The following KCNQ1 variants were observed in gnomAD, a reference collection of about 807,000 sequenced individuals.
KCNQ1 encodes potassium voltage-gated channel subfamily Q member 1, also known as potassium voltage-gated channel subfamily KQT member 1.
In KCNQ1, 49 loss-of-function variants were observed where a neutral mutation model predicts 72.4. The observed-to-expected ratio is 0.68, with a 90% CI of 0.54 to 0.86. The LOEUF (loss-of-function observed/expected upper bound fraction) is 0.86. Among genes scored for constraint, KCNQ1 ranks in the 40% least tolerant of loss-of-function variants. The pLI, the probability that KCNQ1 is intolerant of heterozygous loss-of-function variation, is 0.00. For synonymous variants in KCNQ1, 450 were observed against 412.6 expected, an observed-to-expected ratio of 1.09 and a Z score of -1.10; for missense variants, 790 against 945.1, an observed-to-expected ratio of 0.84 and a Z score of 2.15.
rs1014418184 is a variant in KCNQ1, at chr11:2,492,106, G to A, written c.387-35822G>A. Among the ~76,000 whole-genome samples the A allele has an allele frequency of 6.6e-6, 1 of 152,120 alleles. No individual in the cohort carries two copies. Among genetic ancestry groups the A allele is most frequent in the South Asian group, 2.1e-4 (1 of 4,834 alleles). ...GAATTCTTCAATCTGAAAGAAAAGG[G>A]TGTTAATAAGCAACAAGAAATGATG... On this transcript the variant is annotated intron_variant, in intron 1 of 15. Transcript: ENST00000155840. This position sits in a 1 kb window ranked among gnomAD's most constrained non-coding sequence, Gnocchi z 4.1.
In KCNQ1 at chr11:2,752,998, A is replaced by G. The variant is rs1564881844; in HGVS notation, c.1515-15846A>G. On this transcript the variant is annotated intron_variant, in intron 11 of 15. Transcript: ENST00000155840. This position sits in a 1 kb window ranked among gnomAD's most constrained non-coding sequence, Gnocchi z 5.2. ...TCGTTCTCCTCTGTGGGTCGCTGATATGAAAACAATCTCACAAAGACGTAA... is the reference window on the plus strand; with the variant it reads ...TCGTTCTCCTCTGTGGGTCGCTGATGTGAAAACAATCTCACAAAGACGTAA... 6.6e-6 allele frequency among the ~76,000 whole-genome samples: 1 copy of G among 152,130 alleles called. No homozygotes were observed. The highest frequency in any genetic ancestry group is 1.5e-5 in the Non-Finnish European group (1 of 68,016).
chr11:2,594,899 C>T (rs941082146), intron 10 of KCNQ1, among the ~76,000 whole-genome samples: 3 of 152,172 alleles, frequency 2.0e-5, no homozygotes, highest in Admixed American at 2.0e-4. Flanking sequence ...GACTCTTGCT[C>T]ATGATGGCTC....
intron 10 of KCNQ1, chr11:2,631,313 A>G (rs903360062): frequency 2.8e-5 from 11 of 398,338 alleles, no homozygotes; most frequent in Admixed American, 4.4e-5. Context: ...TTATTTTCAA[A>G]TAATTTATCC....
chr11:2,672,822 C>T lies in KCNQ1; in HGVS notation c.1514+10741C>T, dbSNP rs148432695. The T allele has an allele frequency of 3.6e-4, 144 of 398,830 alleles. No homozygotes were observed. In the East Asian group the frequency reaches 5.1e-3, roughly 14 times the overall value. 24.7% of individuals were successfully genotyped at this position (398,830 alleles called of 1,614,324 possible). A position where few individuals can be genotyped will look rare whatever the true frequency, so the allele number is the denominator to read the frequency against. On this transcript the variant is annotated intron_variant, in intron 11 of 15. Coordinates refer to ENST00000155840, the MANE Select transcript of KCNQ1 (RefSeq NM_000218.3). ...CTTCAGAAGGGCTGGACCAAGTGACCCCAACTCTGGGTTCTGCCTGGGCAT... is the reference window on the plus strand; with the variant it reads ...CTTCAGAAGGGCTGGACCAAGTGACTCCAACTCTGGGTTCTGCCTGGGCAT...
chr11:2,605,490 TG>T (rs1409685449), intron 10 of KCNQ1, among the ~76,000 whole-genome samples: 2 of 152,208 alleles, frequency 1.3e-5, no homozygotes, highest in Non-Finnish European at 2.9e-5. Flanking sequence ...GTGGACCAAT[TG>T]ATTTTTCTCA....
intron 10 of KCNQ1, chr11:2,633,019 T>C: frequency 2.5e-6 from 1 of 398,518 alleles, no homozygotes; most frequent in East Asian, 3.6e-5. Context: ...GACTCACTAA[T>C]TTATAGTCCC....
chr11:2,683,241 C>T lies in KCNQ1; in HGVS notation c.1514+21160C>T, dbSNP rs532318404. 2.5e-6 allele frequency: 1 copy of T among 398,614 alleles called. No homozygotes were observed. Among genetic ancestry groups the T allele is most frequent in the African/African-American group, 2.1e-5 (1 of 48,744 alleles). The allele number at this position is 398,614 out of a possible 1,614,324, so 24.7% of individuals were successfully genotyped here. A position where few individuals can be genotyped will look rare whatever the true frequency, so the allele number is the denominator to read the frequency against. ...TAGAGGTGAGATACAGAGCAGGAGT[C>T]CATGGCACCTCCAGAACCTGTCAGC... On this transcript the variant is annotated intron_variant, in intron 11 of 15. Transcript: ENST00000155840. This position sits in a 1 kb window ranked among gnomAD's most constrained non-coding sequence, Gnocchi z 4.7.
chr11:2,510,483 T>A (rs997098686), intron 1 of KCNQ1, among the ~76,000 whole-genome samples: 5 of 152,048 alleles, frequency 3.3e-5, no homozygotes, highest in African/African-American at 1.2e-4. Flanking sequence ...GGCTCACATC[T>A]GTAGTCCCAG....
chr11:2,706,118 A>C (rs886257811), intron 11 of KCNQ1, among the ~76,000 whole-genome samples: 1 of 152,262 alleles, frequency 6.6e-6, no homozygotes, highest in Non-Finnish European at 1.5e-5. Flanking sequence ...TGTGTCTACA[A>C]GGCCTTTGAC....
intron 15 of KCNQ1, among the ~76,000 whole-genome samples, chr11:2,842,496 C>T (rs1340272000): frequency 6.6e-6 from 1 of 152,226 alleles, no homozygotes; most frequent in East Asian, 1.9e-4. Context: ...CACAAAGGCC[C>T]AGGGGCCTGG....
rs1762334784 is a variant in KCNQ1, at chr11:2,620,949, T to TTTG, written c.1393+32097_1393+32098insGTT. The TTTG allele has an allele frequency of 7.9e-6, 2 of 252,972 alleles. No individual in the cohort carries two copies. Among genetic ancestry groups the TTTG allele is most frequent in the Admixed American group, 2.6e-4 (2 of 7,782 alleles). 15.7% of individuals were successfully genotyped at this position (252,972 alleles called of 1,614,324 possible). On this transcript the variant is annotated intron_variant, in intron 10 of 15. Transcript: ENST00000155840. This position sits in a 1 kb window ranked among gnomAD's most constrained non-coding sequence, Gnocchi z 4.5. ...TTTTTGTTGTTGTTGTTTTGTTTTGTTTTTTTTTGTCTGTTTTTTGCTTTT... is the reference window on the plus strand; with the variant it reads ...TTTTTGTTGTTGTTGTTTTGTTTTGTTTGTTTTTTTTGTCTGTTTTTTGCTTTT...
At chr11:2,833,203 C>T (rs1365501385) in intron 15 of KCNQ1, among the ~76,000 whole-genome samples, 5 of 152,176 alleles carry the variant, frequency 3.3e-5, no homozygotes, top group East Asian at 1.9e-4. Flanking sequence ...AGCCCCTGCA[C>T]GCAAGGGGCC....
chr11:2,494,556 A>T lies in KCNQ1; in HGVS notation c.387-33372A>T, dbSNP rs1378588467. On this transcript the variant is annotated intron_variant, in intron 1 of 15. Transcript: ENST00000155840. The surrounding 1 kb of genome is among the most constrained non-coding windows in gnomAD (Gnocchi z 4.6). Reference sequence around the variant, plus strand: ...AGTTTATTGAGAGTTTTTGGCATGAAGGGATGTTGAATTTTGTCAAAGGCT... The same window carrying T: ...AGTTTATTGAGAGTTTTTGGCATGATGGGATGTTGAATTTTGTCAAAGGCT... 3.9e-5 allele frequency among the ~76,000 whole-genome samples: 6 copies of T among 152,192 alleles called. No homozygotes were observed. The East Asian group carries it at 1.2e-3, about 29-fold the overall frequency.
intron 15 of KCNQ1, among the ~76,000 whole-genome samples, chr11:2,841,328 G>T (rs1378252487): frequency 6.6e-6 from 1 of 152,182 alleles, no homozygotes; most frequent in Non-Finnish European, 1.5e-5. Context: ...TGGGAATTCT[G>T]CAGAAGGATT....
intron 11 of KCNQ1, among the ~76,000 whole-genome samples, chr11:2,730,202 G>A (rs777491223): frequency 2.6e-5 from 4 of 152,238 alleles, no homozygotes; most frequent in Non-Finnish European, 4.4e-5. Flanking sequence ...TAGTCCAGGC[G>A]GAGGATGGCA....
At chr11:2,615,681 CATTG>C (rs1212442421) in intron 10 of KCNQ1, 2 of 397,880 alleles carry the variant, frequency 5.0e-6, no homozygotes, top group Non-Finnish European at 8.9e-6. Context: ...TGGTGTATTA[CATTG>C]ATTGATACTC....
At chr11:2,632,100 G>T in intron 10 of KCNQ1, 1 of 392,652 alleles carries the variant, frequency 2.5e-6, no homozygotes, top group East Asian at 3.6e-5. Flanking sequence ...GGAGAATGGC[G>T]TGAACTCGGG....
Position 2,463,793 on chromosome 11 carries a change from A to G in KCNQ1, c.386+18309A>G, listed in dbSNP as rs1176388494. 6.6e-6 allele frequency among the ~76,000 whole-genome samples: 1 copy of G among 152,254 alleles called. No individual in the cohort carries two copies. On this transcript the variant is annotated intron_variant, in intron 1 of 15. Coordinates refer to ENST00000155840, the MANE Select transcript of KCNQ1 (RefSeq NM_000218.3). The surrounding 1 kb of genome is among the most constrained non-coding windows in gnomAD (Gnocchi z 7.0). ...CAAGACATTGCCCTGCGAGGGGGTC[A>G]GCCCTGAAGCCGGATGGCCCGGCCC...
At chr11:2,534,483 C>T (rs1847695749) in intron 2 of KCNQ1, among the ~76,000 whole-genome samples, 1 of 152,222 alleles carries the variant, frequency 6.6e-6, no homozygotes, top group Non-Finnish European at 1.5e-5. Context: ...CTGCAGCTGC[C>T]GCCCGCTGAG....
Sources: gnomAD v4.1 joint callset for allele counts (sites outside exome capture counted in the v4.1 genomes callset) on GRCh38, gnomAD v4.1.1 for gene constraint, Gnocchi (gnomAD v3.1) non-coding constraint, MANE v1.5 for transcripts, NCBI Gene and HGNC (gene_info 2026-07-23, HGNC 2026-07-21) for gene names.